The following LRRIQ3 variants were observed in gnomAD, a reference collection of about 807,000 sequenced individuals.
The protein encoded by LRRIQ3 is leucine rich repeats and IQ motif containing 3, also known as leucine-rich repeat and IQ domain-containing protein 3.
Under a neutral mutation model 59.3 loss-of-function variants are expected in LRRIQ3, and 75 were observed. The ratio of observed to expected loss-of-function variants is 1.26; its 90% confidence interval spans 1.05 to 1.53. The LOEUF (loss-of-function observed/expected upper bound fraction) is 1.53, where lower values mean the gene tolerates loss of function less well. Ranked by LOEUF, LRRIQ3 falls within the 40% of genes most tolerant of loss-of-function variation. The probability of loss-of-function intolerance (pLI) is 0.00; values close to 1 mark genes in which losing one functional copy is unlikely to be tolerated. For synonymous variants in LRRIQ3, 250 were observed against 231.3 expected, an observed-to-expected ratio of 1.08 and a Z score of -0.73; for missense variants, 831 against 710.0, an observed-to-expected ratio of 1.17 and a Z score of -1.94.
rs188966125 is a variant in LRRIQ3 at position 74,139,657 on chromosome 1, G to T, written c.707+16076C>A. On this transcript the variant is annotated intron_variant, in intron 4 of 7. Transcript: ENST00000354431. ...CTTCTGTGCTTAAACACTTGTAATG[G>T]CTTGCCACTACTTATAACAAAGGAT... is the stretch of plus-strand genomic sequence containing the variant. 1.1e-4 allele frequency among the ~76,000 whole-genome samples: 17 copies of T among 151,808 alleles called. 1 individual carries two copies. In the East Asian group the frequency reaches 3.3e-3, roughly 30 times the overall value.
At chr1:74,141,390 G>A (rs913844316) in intron 4 of LRRIQ3, among the ~76,000 whole-genome samples, 4 of 151,500 alleles carry the variant, frequency 2.6e-5, no homozygotes, top group African/African-American at 9.7e-5. Flanking sequence ...TATAAAACAC[G>A]GTTTGAGCTA....
intron 1 of LRRIQ3, among the ~76,000 whole-genome samples, chr1:74,186,956 A>T (rs1403065065): frequency 1.3e-5 from 2 of 152,136 alleles, no homozygotes; most frequent in Non-Finnish European, 1.5e-5. Context: ...AGCAAGAAAA[A>T]AAATCACTAA....
chr1:74,065,989 C>G (rs1033910164), intron 6 of LRRIQ3, among the ~76,000 whole-genome samples: 1 of 151,890 alleles, frequency 6.6e-6, no homozygotes, highest in Non-Finnish European at 1.5e-5. Context: ...GAGTTTGAGA[C>G]CAACCTGACC....
At chr1:74,106,225 A>G (rs908598707) in intron 5 of LRRIQ3, among the ~76,000 whole-genome samples, 2 of 152,006 alleles carry the variant, frequency 1.3e-5, no homozygotes, top group African/African-American at 4.8e-5. Flanking sequence ...CAACATATAG[A>G]CTGATTCTTT....
chr1:74,065,129 A>T (rs552077842), intron 6 of LRRIQ3, among the ~76,000 whole-genome samples: 1 of 152,142 alleles, frequency 6.6e-6, no homozygotes, highest in African/African-American at 2.4e-5. Flanking sequence ...ACTGCAGACT[A>T]TCACAAGATA....
chr1:74,191,110 G>A (rs1243426421), intron 1 of LRRIQ3, among the ~76,000 whole-genome samples: 2 of 152,052 alleles, frequency 1.3e-5, no homozygotes, highest in African/African-American at 4.8e-5. Context: ...AATACAGTAA[G>A]CTCTACAAAA....
At chr1:74,144,075 A>G (rs1404970241) in intron 4 of LRRIQ3, among the ~76,000 whole-genome samples, 1 of 151,964 alleles carries the variant, frequency 6.6e-6, no homozygotes, top group East Asian at 1.9e-4. Flanking sequence ...AGAATCAACT[A>G]TGATCCATTT....
chr1:74,168,734 T>C (rs1649146263), intron 3 of LRRIQ3, among the ~76,000 whole-genome samples: 1 of 152,098 alleles, frequency 6.6e-6, no homozygotes, highest in Non-Finnish European at 1.5e-5. Context: ...GATTTATCTA[T>C]AGTGAGGTTT....
intron 4 of LRRIQ3, among the ~76,000 whole-genome samples, chr1:74,143,459 T>C (rs952822170): frequency 2.0e-5 from 3 of 151,966 alleles, no homozygotes; most frequent in Admixed American, 6.6e-5. Flanking sequence ...CCCTACCATA[T>C]GCAAAGCTAG....
At chr1:74,078,035 A>G in intron 5 of LRRIQ3, among the ~76,000 whole-genome samples, 1 of 151,992 alleles carries the variant, frequency 6.6e-6, no homozygotes, top group South Asian at 2.1e-4. Flanking sequence ...TAAAGGAATA[A>G]TAATCAAGGA....
chr1:74,160,766 C>A (rs111300312), intron 3 of LRRIQ3, among the ~76,000 whole-genome samples: 9 of 152,084 alleles, frequency 5.9e-5, no homozygotes, highest in African/African-American at 2.2e-4. Flanking sequence ...CTATCATATA[C>A]CATTTGATAT....
intron 1 of LRRIQ3, among the ~76,000 whole-genome samples, chr1:74,194,460 A>C (rs916665589): frequency 1.3e-5 from 2 of 152,220 alleles, no homozygotes; most frequent in Non-Finnish European, 2.9e-5. Context: ...ATTCAGAACA[A>C]GGAATCAGAA....
Position 74,031,968 on chromosome 1 carries a change from A to G in LRRIQ3, c.1719-4999T>C, listed in dbSNP as rs151281354. Among the ~76,000 whole-genome samples, 19 of 152,094 alleles carry G rather than the reference A, an allele frequency of 1.2e-4. No homozygotes were observed. In the East Asian group the frequency reaches 2.9e-3, roughly 23 times the overall value. On this transcript the variant is annotated intron_variant, in intron 7 of 7. Coordinates refer to ENST00000354431, the MANE Select transcript of LRRIQ3 (RefSeq NM_001105659.2). ...TACCTAAAAATGATAAAATATTGCT[A>G]AAAGAAATTTAAAAAGATCTAAATT... is the stretch of plus-strand genomic sequence containing the variant.
At chr1:74,092,223 T>A (rs1646402072) in intron 5 of LRRIQ3, among the ~76,000 whole-genome samples, 1 of 152,088 alleles carries the variant, frequency 6.6e-6, no homozygotes, top group African/African-American at 2.4e-5. Flanking sequence ...ATAAAAACAG[T>A]CAGTCACTAA....
At chr1:74,106,976 C>A (rs111780774) in intron 5 of LRRIQ3, among the ~76,000 whole-genome samples, 9 of 151,972 alleles carry the variant, frequency 5.9e-5, no homozygotes, top group African/African-American at 2.2e-4. Context: ...CTATTCTGAC[C>A]CAGCTGCTTT....
chr1:74,170,184 T>C (rs1367119853), intron 3 of LRRIQ3, among the ~76,000 whole-genome samples: 1 of 152,180 alleles, frequency 6.6e-6, no homozygotes, highest in Admixed American at 6.5e-5. Flanking sequence ...TAGTTTGATG[T>C]AGTCTTAATG....
At chr1:74,093,465 T>A (rs140954139) in intron 5 of LRRIQ3, among the ~76,000 whole-genome samples, 1 of 152,236 alleles carries the variant, frequency 6.6e-6, no homozygotes, top group East Asian at 1.9e-4. Context: ...TCTATGCCAC[T>A]TTATATGCTA....
At chr1:74,107,202 T>C (rs1268738043) in intron 5 of LRRIQ3, among the ~76,000 whole-genome samples, 1 of 152,064 alleles carries the variant, frequency 6.6e-6, no homozygotes, top group Admixed American at 6.6e-5. Context: ...GCACGTTTTA[T>C]TCCCAAACAG....
intron 4 of LRRIQ3, among the ~76,000 whole-genome samples, chr1:74,133,722 GA>G (rs1226086285): frequency 7.1e-6 from 1 of 140,450 alleles, no homozygotes; most frequent in African/African-American, 2.6e-5. Context: ...GGGGTGGGGG[GA>G]AGGGGGAGGG....
Sources: allele counts gnomAD v4.1 joint callset (sites outside exome capture counted in the v4.1 genomes callset), GRCh38; gene constraint gnomAD v4.1.1; transcripts MANE v1.5; gene names NCBI Gene and HGNC (gene_info 2026-07-23, HGNC 2026-07-21).